SV2B: variants seen among roughly 807,000 people sequenced by gnomAD.
SV2B encodes the protein solute carrier family 22 member B2.
SV2B carries 41 observed loss-of-function variants against 73.9 expected under a neutral mutation model. That is an observed-to-expected ratio of 0.56 (90% confidence interval 0.43 to 0.72). SV2B has a LOEUF of 0.72. Ranked by LOEUF, SV2B falls within the 30% of genes least tolerant of loss-of-function variation. The pLI, the probability that SV2B is intolerant of heterozygous loss-of-function variation, is 0.00. For synonymous variants in SV2B, 314 were observed against 314.2 expected (o/e 1.00, Z 0.01); for missense variants, 764 against 857.8 (o/e 0.89, Z 1.37).
Position 91,292,629 on chromosome 15 carries a change from C to T in SV2B, c.*77C>T, listed in dbSNP as rs115773081. On this transcript the variant is annotated 3_prime_UTR_variant, in exon 13 of 13. Coordinates refer to ENST00000394232, the MANE Select transcript of SV2B (RefSeq NM_001323032.3). Reference sequence around the variant, plus strand: ...ATGCATCCACACTTCCTGCCTATCACGGTCCGGAGGACACCTTGGATAGCA... The same window carrying T: ...ATGCATCCACACTTCCTGCCTATCATGGTCCGGAGGACACCTTGGATAGCA... 1,335 of 1,524,120 alleles carry T rather than the reference C, an allele frequency of 8.8e-4. 4 individuals are homozygous for T. The African/African-American group carries it at 0.017, about 19-fold the overall frequency. 94.4% of individuals were successfully genotyped at this position (1,524,120 alleles called of 1,614,324 possible).
At chr15:91,109,594 A>G (rs912104916) in intron 1 of SV2B, among the ~76,000 whole-genome samples, 3 of 152,184 alleles carry the variant, frequency 2.0e-5, no homozygotes, top group African/African-American at 7.2e-5. Flanking sequence ...TGAATATTTC[A>G]TGGGCAGGTT....
At chr15:91,184,672 C>A (rs905252749) in intron 1 of SV2B, among the ~76,000 whole-genome samples, 1 of 152,166 alleles carries the variant, frequency 6.6e-6, no homozygotes, top group African/African-American at 2.4e-5. Context: ...AATGCTTACT[C>A]ATGACTTCTC....
In SV2B at chr15:91,123,750, C is replaced by T. The variant is rs1181257377; in HGVS notation, c.-392+23387C>T. ...GACTCCTCATGCACTACTCCTTTCT[C>T]TATTCTGGGCGTGTCTTCACTGAAG... On this transcript the variant is annotated intron_variant, in intron 1 of 12. Coordinates refer to ENST00000394232, the MANE Select transcript of SV2B (RefSeq NM_001323032.3). This position sits in a 1 kb window ranked among gnomAD's most constrained non-coding sequence, Gnocchi z 4.7. Among the ~76,000 whole-genome samples the T allele has an allele frequency of 4.6e-5, 7 of 152,160 alleles. No homozygotes were observed.
chr15:91,212,798 T>A (rs893549962), intron 1 of SV2B, among the ~76,000 whole-genome samples: 1 of 149,424 alleles, frequency 6.7e-6, no homozygotes, highest in Non-Finnish European at 1.5e-5. Context: ...TATAAAAAAA[T>A]TTTTAAAAAA....
chr15:91,158,175 T>C (rs1325801711), intron 1 of SV2B, among the ~76,000 whole-genome samples: 1 of 151,986 alleles, frequency 6.6e-6, no homozygotes, highest in East Asian at 1.9e-4. Context: ...TAATGAGAGG[T>C]GTTTGGGTCA....
intron 11 of SV2B, among the ~76,000 whole-genome samples, chr15:91,287,473 G>A (rs1164441556): frequency 6.6e-6 from 1 of 152,068 alleles, no homozygotes; most frequent in Non-Finnish European, 1.5e-5. Flanking sequence ...AACCTGTTTT[G>A]CCATGTTCTG....
chr15:91,147,965 CTTTTTTTTTTTTT>C (rs60896008), intron 1 of SV2B, among the ~76,000 whole-genome samples: 27 of 39,258 alleles, frequency 6.9e-4, no homozygotes, highest in Non-Finnish European at 1.1e-3. Flanking sequence ...CCCCCCCCAA[CTTTTTTTTTTTTT>C]TTTTTTTTTT....
Position 91,288,286 on chromosome 15 carries a change from T to A in SV2B, c.1709-1235T>A, listed in dbSNP as rs554230871. 3.7e-4 allele frequency among the ~76,000 whole-genome samples: 56 copies of A among 152,336 alleles called. No individual in the cohort carries two copies. Among genetic ancestry groups the A allele is most frequent in the African/African-American group, 1.3e-3 (55 of 41,566 alleles). On this transcript the variant is annotated intron_variant, in intron 11 of 12. Coordinates refer to ENST00000394232, the MANE Select transcript of SV2B (RefSeq NM_001323032.3). The surrounding 1 kb of genome is among the most constrained non-coding windows in gnomAD (Gnocchi z 5.8). ...ATTTTTTTATTTTTAATGGATAAAT[T>A]ATAATTGTATATTTTGATGGGGTAC...
chr15:91,258,674 C>A lies in SV2B; in HGVS notation c.918+120C>A. The stretch of plus-strand genomic sequence containing the variant: ...TGCTGCTTATGTGTTGCAAACTCTC[C>A]CCTGGTCGGCTGACCTCACTCATCA... On this transcript the variant is annotated intron_variant, in intron 5 of 12. Coordinates refer to ENST00000394232, the MANE Select transcript of SV2B (RefSeq NM_001323032.3). The surrounding 1 kb of genome is among the most constrained non-coding windows in gnomAD (Gnocchi z 4.7). 6.9e-7 allele frequency: 1 copy of A among 1,441,530 alleles called. No homozygotes were observed. The highest frequency in any genetic ancestry group is 1.4e-5 in the South Asian group (1 of 70,826). The allele number at this position is 1,441,530 out of a possible 1,614,324, so 89.3% of individuals were successfully genotyped here.
intron 9 of SV2B, among the ~76,000 whole-genome samples, chr15:91,278,934 C>T (rs1054906887): frequency 1.1e-4 from 16 of 152,046 alleles, no homozygotes; most frequent in African/African-American, 3.4e-4. Flanking sequence ...TTTGGGGAGC[C>T]GTAGCCTTTA....
Position 91,242,449 on chromosome 15 carries a change from A to G in SV2B, c.452-9370A>G, listed in dbSNP as rs1008103832. On this transcript the variant is annotated intron_variant, in intron 2 of 12. Transcript: ENST00000394232. This position sits in a 1 kb window ranked among gnomAD's most constrained non-coding sequence, Gnocchi z 4.9. ...CATCAGCGTCATTCACTTGAAATACATGTGGTGGCCTGCTAACTGATCTTT... is the reference window on the plus strand; with the variant it reads ...CATCAGCGTCATTCACTTGAAATACGTGTGGTGGCCTGCTAACTGATCTTT... Among the ~76,000 whole-genome samples, 1 of 152,234 alleles carries G rather than the reference A, an allele frequency of 6.6e-6. No individual in the cohort carries two copies. The highest frequency in any genetic ancestry group is 2.4e-5 in the African/African-American group (1 of 41,458).
rs1022593257 is a variant in SV2B, at chr15:91,139,492, C to A, written c.-392+39129C>A. On this transcript the variant is annotated intron_variant, in intron 1 of 12. Coordinates refer to ENST00000394232, the MANE Select transcript of SV2B (RefSeq NM_001323032.3). The surrounding 1 kb of genome is among the most constrained non-coding windows in gnomAD (Gnocchi z 5.2). ...GAGGCAGGGAGAGGTGTACAAGTAG[C>A]ACCCAGAACAGAAAAGCAGGGTGAG... Among the ~76,000 whole-genome samples, 1 of 152,244 alleles carries A rather than the reference C, an allele frequency of 6.6e-6. No homozygotes were observed. The highest frequency in any genetic ancestry group is 2.1e-4 in the South Asian group (1 of 4,828).
At chr15:91,249,691 T>C (rs1252349627) in intron 2 of SV2B, among the ~76,000 whole-genome samples, 1 of 152,190 alleles carries the variant, frequency 6.6e-6, no homozygotes, top group Non-Finnish European at 1.5e-5. Flanking sequence ...GCATTACAAC[T>C]GATACCACAG....
intron 12 of SV2B, among the ~76,000 whole-genome samples, chr15:91,291,230 G>T (rs561439072): frequency 1.3e-5 from 2 of 150,582 alleles, no homozygotes; most frequent in Non-Finnish European, 3.0e-5. Flanking sequence ...AATTCAACAA[G>T]TTTTTTTTCC....
rs771765158 is a variant in SV2B at position 91,252,041 on chromosome 15, T to A, written c.632+42T>A. On this transcript the variant is annotated intron_variant, in intron 3 of 12. Coordinates refer to ENST00000394232, the MANE Select transcript of SV2B (RefSeq NM_001323032.3). The surrounding 1 kb of genome is among the most constrained non-coding windows in gnomAD (Gnocchi z 4.6). ...GTGGAGCTGGACCATCCCAGACCAATGGCCCATCCATTCTGGTATTCTAGC... is the reference window on the plus strand; with the variant it reads ...GTGGAGCTGGACCATCCCAGACCAAAGGCCCATCCATTCTGGTATTCTAGC... 6.3e-7 allele frequency: 1 copy of A among 1,597,728 alleles called. No homozygotes were observed. The highest frequency in any genetic ancestry group is 1.1e-5 in the South Asian group (1 of 88,824).
chr15:91,185,765 G>GTA (rs2044745756), intron 1 of SV2B, among the ~76,000 whole-genome samples: 1 of 152,198 alleles, frequency 6.6e-6, no homozygotes, highest in Non-Finnish European at 1.5e-5. Context: ...ACCTTGCAAG[G>GTA]CAGATTGTGT....
Position 91,267,289 on chromosome 15 carries a change from A to G in SV2B, c.1120-266A>G, listed in dbSNP as rs529751755. ...ACTCAGTGCCTTGAAGTCCTAACTC[A>G]GTGTGCTTTCAATCACATTCATGGA... is the stretch of plus-strand genomic sequence containing the variant. On this transcript the variant is annotated intron_variant, in intron 7 of 12. Transcript: ENST00000394232. The surrounding 1 kb of genome is among the most constrained non-coding windows in gnomAD (Gnocchi z 4.3). 7.2e-4 allele frequency among the ~76,000 whole-genome samples: 109 copies of G among 152,322 alleles called. No homozygotes were observed. Among genetic ancestry groups the G allele is most frequent in the African/African-American group, 2.6e-3 (106 of 41,566 alleles).
chr15:91,142,988 G>C (rs1377653036), intron 1 of SV2B, among the ~76,000 whole-genome samples: 1 of 152,224 alleles, frequency 6.6e-6, no homozygotes, highest in Non-Finnish European at 1.5e-5. Context: ...GCAGGTAGCA[G>C]AATCTGCTGC....
intron 1 of SV2B, among the ~76,000 whole-genome samples, chr15:91,207,815 G>A (rs1345906734): frequency 6.6e-6 from 1 of 152,144 alleles, no homozygotes; most frequent in African/African-American, 2.4e-5. Context: ...AAACTGGGGA[G>A]GAACTTAACA....
Sources: gnomAD v4.1 joint callset for allele counts (sites outside exome capture counted in the v4.1 genomes callset) on GRCh38, gnomAD v4.1.1 for gene constraint, Gnocchi (gnomAD v3.1) non-coding constraint, MANE v1.5 for transcripts, NCBI Gene and HGNC (gene_info 2026-07-23, HGNC 2026-07-21) for gene names.